GPR89B: variants seen among roughly 807,000 people sequenced by gnomAD.
GPR89B encodes the protein G protein-coupled receptor 89B.
GPR89B carries 25 observed loss-of-function variants against 52.4 expected under a neutral mutation model. The observed-to-expected ratio is 0.48, with a 90% CI of 0.35 to 0.67. GPR89B has a LOEUF of 0.67. Ranked by LOEUF, GPR89B falls within the 30% of genes least tolerant of loss-of-function variation. The pLI, the probability that GPR89B is intolerant of heterozygous loss-of-function variation, is 0.01. For synonymous variants in GPR89B, 52 were observed against 151.2 expected, an observed-to-expected ratio of 0.34 and a Z score of 4.81; for missense variants, 146 against 450.2, an observed-to-expected ratio of 0.32 and a Z score of 6.11.
intron 3 of GPR89B, among the ~76,000 whole-genome samples, chr1:147,939,923 C>T (rs1341689691): frequency 6.6e-6 from 1 of 151,270 alleles, no homozygotes; most frequent in Non-Finnish European, 1.5e-5. Flanking sequence ...TCCCTTGAGC[C>T]CAGGAGTTTG....
At position 147,950,714 on chromosome 1, in the gene GPR89B, C is replaced by G. The variant is rs587638811; in HGVS notation, c.416-2631C>G. The stretch of plus-strand genomic sequence containing the variant: ...GGGAGGCCGAGGCTGGCGGATCACT[C>G]GCAGTTCGGAGCTGGAGACCAGCCC... On this transcript the variant is annotated intron_variant, in intron 5 of 13. Transcript: ENST00000314163. Among the ~76,000 whole-genome samples, 1,171 of 152,234 alleles carry G rather than the reference C, an allele frequency of 7.7e-3. 11 individuals are homozygous for G. Among genetic ancestry groups the G allele is most frequent in the African/African-American group, 0.026 (1,098 of 41,502 alleles).
At chr1:148,020,984 G>A in the GPR89B span, among the ~76,000 whole-genome samples, 10 of 151,460 alleles carry the variant, frequency 6.6e-5, no homozygotes, top group Admixed American at 6.6e-4. Flanking sequence ...CCGGGCCCCG[G>A]AGAGGAATTT....
chr1:148,010,624 T>C, the GPR89B span: 3 of 152,270 alleles, frequency 2.0e-5, no homozygotes, highest in Non-Finnish European at 2.9e-5. Context: ...GAAAGCCTGT[T>C]TAGGGAAAGA....
chr1:148,021,507 A>T, the GPR89B span, among the ~76,000 whole-genome samples: 1 of 151,412 alleles, frequency 6.6e-6, no homozygotes, highest in South Asian at 2.1e-4. Flanking sequence ...CCGAAAGGAG[A>T]GAAGCTGTGG....
the GPR89B span, chr1:148,009,456 T>C: frequency 6.2e-7 from 1 of 1,602,028 alleles, no homozygotes; most frequent in Non-Finnish European, 8.5e-7. Flanking sequence ...AAGTATATTA[T>C]CACTCAAACC....
the GPR89B span, among the ~76,000 whole-genome samples, chr1:148,013,876 G>A: frequency 6.6e-6 from 1 of 152,020 alleles, no homozygotes; most frequent in South Asian, 2.1e-4. Flanking sequence ...GGAGGAGGCC[G>A]GTTGAGATAT....
downstream of GPR89B, among the ~76,000 whole-genome samples, chr1:147,997,224 T>C (rs1164573384): frequency 1.3e-5 from 2 of 151,996 alleles, 1 homozygote; most frequent in African/African-American, 4.8e-5. Context: ...CACAAGACAC[T>C]TGTGATAGTT....
the GPR89B span, among the ~76,000 whole-genome samples, chr1:148,019,899 G>C: frequency 2.6e-5 from 4 of 151,720 alleles, no homozygotes; most frequent in Non-Finnish European, 5.9e-5. Flanking sequence ...TAAGGCATAA[G>C]AAGTTAAAAG....
At chr1:147,950,898 G>A (rs1409562237) in intron 5 of GPR89B, among the ~76,000 whole-genome samples, 1 of 152,200 alleles carries the variant, frequency 6.6e-6, no homozygotes, top group Non-Finnish European at 1.5e-5. Flanking sequence ...GTCCAGCTTC[G>A]GCTCAGCATC....
chr1:148,021,387 A>T, the GPR89B span, among the ~76,000 whole-genome samples: 2 of 151,912 alleles, frequency 1.3e-5, no homozygotes, highest in East Asian at 3.9e-4. Context: ...CTGTAATCCC[A>T]GCTACTCAGG....
At chr1:147,994,202 G>C (rs1254449553), downstream of GPR89B, 1 of 1,578,740 alleles carries the variant, frequency 6.3e-7, no homozygotes. Flanking sequence ...CTTCTAAAGA[G>C]ACAGTAAACA....
chr1:147,962,947 C>A (rs1656719112), intron 7 of GPR89B, among the ~76,000 whole-genome samples: 4 of 143,682 alleles, frequency 2.8e-5, no homozygotes, highest in Non-Finnish European at 1.5e-5. Context: ...AACTATAAAA[C>A]TTTCAGAAAA....
chr1:147,972,055 T>C (rs1361062796), intron 10 of GPR89B, among the ~76,000 whole-genome samples: 1 of 151,816 alleles, frequency 6.6e-6, no homozygotes, highest in Non-Finnish European at 1.5e-5. Flanking sequence ...TAGAATGTTA[T>C]GTAAGTAGAA....
In GPR89B at chr1:147,940,258, C is replaced by A. The variant is rs1367047617; in HGVS notation, c.206+1441C>A. ...CTCTACTAAAAATACAAAAAATTAG[C>A]TGGGCATGGTGGTGGGCGCCTGTAG... On this transcript the variant is annotated intron_variant, in intron 3 of 13. Transcript: ENST00000314163. 3.3e-5 allele frequency among the ~76,000 whole-genome samples: 5 copies of A among 151,804 alleles called. No homozygotes were observed. The East Asian group carries it at 9.7e-4, about 29-fold the overall frequency.
the GPR89B span, among the ~76,000 whole-genome samples, chr1:148,007,161 C>T: frequency 7.2e-5 from 10 of 138,448 alleles, no homozygotes; most frequent in East Asian, 6.5e-4. Context: ...CTGCAACCTC[C>T]GCCTCCCGGG....
chr1:147,978,363 T>C (rs1657992823), intron 10 of GPR89B, among the ~76,000 whole-genome samples: 1 of 151,874 alleles, frequency 6.6e-6, no homozygotes, highest in East Asian at 1.9e-4. Context: ...GGCTGCTTGC[T>C]CCGTCCTCTG....
At chr1:147,948,903 TGC>T (rs1655247589) in intron 5 of GPR89B, among the ~76,000 whole-genome samples, 1 of 152,070 alleles carries the variant, frequency 6.6e-6, no homozygotes, top group Admixed American at 6.5e-5. Flanking sequence ...CAGAGGACCC[TGC>T]GGCCTTCCGC....
chr1:147,955,523 A>G (rs1490440205), intron 7 of GPR89B, among the ~76,000 whole-genome samples: 2 of 151,978 alleles, frequency 1.3e-5, no homozygotes, highest in African/African-American at 4.8e-5. Context: ...ATTTCCACAA[A>G]CAATGTAATA....
At chr1:147,936,508 C>A (rs1249401771) in intron 1 of GPR89B, 119 bp from the exon 2 acceptor site, 4 of 715,090 alleles carry the variant, frequency 5.6e-6, no homozygotes, top group Non-Finnish European at 9.7e-6. Flanking sequence ...TGGATCTTAT[C>A]TTTAATCCCT....
Sources: gnomAD v4.1 joint callset for allele counts (sites outside exome capture counted in the v4.1 genomes callset) on GRCh38, gnomAD v4.1.1 for gene constraint, MANE v1.5 for transcripts, NCBI Gene and HGNC (gene_info 2026-07-23, HGNC 2026-07-21) for gene names.